The following XPO6 variants were observed in gnomAD, a reference collection of about 807,000 sequenced individuals.
XPO6 encodes the protein exportin-6.
A neutral mutation model predicts 130.0 loss-of-function variants in XPO6; 3 were observed. The observed-to-expected ratio is 0.02, with a 90% confidence interval of 0.01 to 0.06. The LOEUF is 0.06. Ranked by LOEUF, XPO6 falls within the 10% of genes least tolerant of loss-of-function variation. XPO6 has a pLI of 1.00. For synonymous variants in XPO6, 524 were observed against 548.9 expected, an observed-to-expected ratio of 0.95 and a Z score of 0.63; for missense variants, 970 against 1,393.0, an observed-to-expected ratio of 0.70 and a Z score of 4.83.
chr16:28,138,935 G>A (rs930734407), intron 9 of XPO6, among the ~76,000 whole-genome samples: 3 of 152,092 alleles, frequency 2.0e-5, no homozygotes, highest in South Asian at 2.1e-4. Flanking sequence ...GAAGACAATC[G>A]ACAGATGCCA....
At chr16:28,134,045 C>G in intron 10 of XPO6, 112 bp from the exon 11 acceptor site, 1 of 1,038,352 alleles carries the variant, frequency 9.6e-7, no homozygotes, top group Non-Finnish European at 1.4e-6. Context: ...ATGATGGAAC[C>G]AGGTTATCTG....
At chr16:28,159,433 C>T (rs1178598502) in intron 6 of XPO6, among the ~76,000 whole-genome samples, 2 of 152,174 alleles carry the variant, frequency 1.3e-5, no homozygotes, top group African/African-American at 4.8e-5. Context: ...ACACCTCAGT[C>T]AGACTTCTCC....
intron 14 of XPO6, among the ~76,000 whole-genome samples, chr16:28,120,879 T>C (rs117331333): frequency 0.028 from 4,264 of 152,352 alleles, 90 homozygotes; most frequent in Non-Finnish European, 0.042. Context: ...TCTGCTGCTA[T>C]AGTGCAAAAC....
At position 28,117,589 on chromosome 16, in the gene XPO6, T is replaced by C. The variant is rs926894698; in HGVS notation, c.1860-127A>G. 165 of 1,131,674 alleles carry C rather than the reference T, an allele frequency of 1.5e-4. No individual in the cohort carries two copies. The African/African-American group carries it at 2.3e-3, about 16-fold the overall frequency. 70.1% of individuals were successfully genotyped at this position (1,131,674 alleles called of 1,614,324 possible). On this transcript the variant is annotated intron_variant, in intron 14 of 23. Transcript: ENST00000304658. ...CTGTTCTAAGACATGGGCAACAGCA[T>C]AGAAATCATTTACCGGTTCACGTAG...
chr16:28,102,052 A>T, intron 21 of XPO6, 107 bp from the exon 22 acceptor site: 1 of 888,926 alleles, frequency 1.1e-6, no homozygotes, highest in Non-Finnish European at 1.7e-6. Flanking sequence ...CATTGTCTTG[A>T]TGCTTCTGGC....
intron 1 of XPO6, among the ~76,000 whole-genome samples, chr16:28,195,871 T>C (rs1376879125): frequency 6.6e-6 from 1 of 152,204 alleles, no homozygotes; most frequent in African/African-American, 2.4e-5. Context: ...TCCGCACATT[T>C]ACTAAGGTCT....
intron 9 of XPO6, among the ~76,000 whole-genome samples, chr16:28,136,933 CTT>C (rs1416020410): frequency 6.6e-6 from 1 of 152,250 alleles, no homozygotes; most frequent in East Asian, 1.9e-4. Context: ...TCAAAGGACA[CTT>C]TGTTTCGGTC....
intron 9 of XPO6, among the ~76,000 whole-genome samples, chr16:28,138,536 C>T (rs559798530): frequency 3.3e-5 from 5 of 152,242 alleles, no homozygotes; most frequent in South Asian, 2.1e-4. Flanking sequence ...TCACTGATCT[C>T]CCAAAGTGTC....
At chr16:28,203,305 T>C (rs2043980177) in intron 1 of XPO6, among the ~76,000 whole-genome samples, 1 of 146,502 alleles carries the variant, frequency 6.8e-6, no homozygotes, top group Non-Finnish European at 1.5e-5. Context: ...CAGTCAGCAA[T>C]GGGTTGTAGA....
chr16:28,112,936 T>G lies in XPO6; in HGVS notation c.2119A>C (p.Thr707Pro), dbSNP rs368866144. ...PAVQKVFNRITDASALRLVDK... is the reference protein window; with the variant it reads ...PAVQKVFNRIPDASALRLVDK... ...ACAAGTCGCAGGGCAGAGGCATCAGTGATTCTGTTGAATACTTTCTGCACT... is the reference window on the plus strand; with the variant it reads ...ACAAGTCGCAGGGCAGAGGCATCAGGGATTCTGTTGAATACTTTCTGCACT... Residue 707 changes from threonine to proline, a missense_variant, in exon 16 of 24, where the codon ACT becomes CCT. By Grantham distance (38) the Thr-to-Pro change is conservative. This residue lies in a region of XPO6 where 936 missense variants were observed against 1,306.8 expected (regional missense o/e 0.72). Coordinates refer to ENST00000304658, the MANE Select transcript of XPO6 (RefSeq NM_015171.4). 4 of 1,613,948 alleles carry G rather than the reference T, an allele frequency of 2.5e-6. No individual in the cohort carries two copies. Among genetic ancestry groups the G allele is most frequent in the Non-Finnish European group, 3.4e-6 (4 of 1,179,992 alleles).
intron 17 of XPO6, among the ~76,000 whole-genome samples, chr16:28,110,185 A>G (rs2086884494): frequency 6.6e-6 from 1 of 152,246 alleles, no homozygotes; most frequent in Non-Finnish European, 1.5e-5. Context: ...TAACGTATAC[A>G]AAGTGCTCAA....
At chr16:28,126,691 G>A (rs994376206) in intron 12 of XPO6, 3 of 152,094 alleles carry the variant, frequency 2.0e-5, no homozygotes, top group African/African-American at 4.8e-5. Context: ...CCTTGATTCG[G>A]TCACTTCCTT....
At chr16:28,105,944 C>T in intron 20 of XPO6, 99 bp downstream of exon 20, 2 of 1,519,270 alleles carry the variant, frequency 1.3e-6, no homozygotes, top group South Asian at 1.2e-5. Flanking sequence ...ATTAAACTAA[C>T]AAATGAACTT....
chr16:28,166,271 T>C (rs1314089193), intron 6 of XPO6, among the ~76,000 whole-genome samples: 3 of 151,982 alleles, frequency 2.0e-5, no homozygotes, highest in Non-Finnish European at 4.4e-5. Flanking sequence ...CACATAACCA[T>C]GACATTCAGG....
At chr16:28,185,042 G>A (rs2043672762) in intron 1 of XPO6, among the ~76,000 whole-genome samples, 1 of 152,308 alleles carries the variant, frequency 6.6e-6, no homozygotes, top group African/African-American at 2.4e-5. Flanking sequence ...CCACTGGAAT[G>A]GATGAATAGT....
Position 28,117,368 on chromosome 16 carries a change from T to C in XPO6, c.1954A>G (p.Thr652Ala). Reference sequence around the variant, plus strand: ...GCATCCATGGTAGTAGAGATGAGTGTCACGAACTGCTGCGTGTTCTGCCGG... The same window carrying C: ...GCATCCATGGTAGTAGAGATGAGTGCCACGAACTGCTGCGTGTTCTGCCGG... ...VHRQNTQQFV[T>A]LISTTMDAIT... Residue 652 changes from threonine to alanine, a missense_variant, in exon 15 of 24, where the codon ACA becomes GCA. Physicochemically the swap from Thr to Ala is moderately conservative, Grantham distance 58. Around this residue, in one of 4 missense-constraint regions of XPO6, gnomAD observed 936 missense variants for 1,306.8 expected, o/e 0.72. Coordinates refer to ENST00000304658, the MANE Select transcript of XPO6 (RefSeq NM_015171.4). The C allele has an allele frequency of 1.9e-6, 3 of 1,614,192 alleles. No individual in the cohort carries two copies. The highest frequency in any genetic ancestry group is 8.5e-7 in the Non-Finnish European group (1 of 1,180,038).
Position 28,106,355 on chromosome 16 carries a change from A to G in XPO6, c.2612+28T>C, listed in dbSNP as rs1567591610. 2 of 1,612,262 alleles carry G rather than the reference A, an allele frequency of 1.2e-6. No homozygotes were observed. Among genetic ancestry groups the G allele is most frequent in the Non-Finnish European group, 1.7e-6 (2 of 1,178,350 alleles). On this transcript the variant is annotated intron_variant, in intron 19 of 23. Transcript: ENST00000304658. The surrounding 1 kb of genome is among the most constrained non-coding windows in gnomAD (Gnocchi z 4.2). ...CCCACCACTTCTCCCTTGAATCTGA[A>G]AACTATAGATGGTGGGTCTGTGCTT...
At chr16:28,188,254 T>C (rs902643108) in intron 1 of XPO6, among the ~76,000 whole-genome samples, 1 of 152,152 alleles carries the variant, frequency 6.6e-6, no homozygotes, top group African/African-American at 2.4e-5. Flanking sequence ...AAATGACTAT[T>C]TTTTAAAGAC....
Position 28,106,424 on chromosome 16 carries a change from G to A in XPO6, c.2571C>T (p.Phe857=), listed in dbSNP as rs1020049866. 1.9e-6 allele frequency: 3 copies of A among 1,614,210 alleles called. No individual in the cohort carries two copies. Among genetic ancestry groups the A allele is most frequent in the Admixed American group, 1.7e-5 (1 of 60,028 alleles). ...RGLRVQMGVP[F]TEQIIQTFLN... is the part of the protein sequence containing the mutation. Reference sequence around the variant, plus strand: ...GGAAAGTCTGTATGATTTGCTCAGTGAAAGGCACACCCATCTGTACTCTAA... The same window carrying A: ...GGAAAGTCTGTATGATTTGCTCAGTAAAAGGCACACCCATCTGTACTCTAA... Residue 857 remains phenylalanine, a synonymous_variant, in exon 19 of 24, where the codon TTC becomes TTT. Coordinates refer to ENST00000304658, the MANE Select transcript of XPO6 (RefSeq NM_015171.4). The surrounding 1 kb of genome is among the most constrained non-coding windows in gnomAD (Gnocchi z 4.2).
Sources: gnomAD v4.1 joint callset for allele counts (sites outside exome capture counted in the v4.1 genomes callset) on GRCh38, gnomAD v4.1.1 for gene constraint, gnomAD v4.1.1 regional missense constraint, Gnocchi (gnomAD v3.1) non-coding constraint, MANE v1.5 for transcripts, NCBI Gene and HGNC (gene_info 2026-07-23, HGNC 2026-07-21) for gene names.